The following TCTA variants were observed in gnomAD, a reference collection of about 807,000 sequenced individuals.
TCTA encodes the protein T-cell leukemia translocation-altered gene protein.
Under a neutral mutation model 13.5 loss-of-function variants are expected in TCTA, and 13 were observed. That is an observed-to-expected ratio of 0.96 (90% confidence interval 0.63 to 1.53). TCTA has a LOEUF of 1.53. Among genes scored for constraint, TCTA ranks in the 40% most tolerant of loss-of-function variants. The pLI is 0.00. For missense variants in TCTA, 138 were observed against 131.3 expected, an observed-to-expected ratio of 1.05 and a Z score of -0.25; for synonymous variants, 58 against 59.0, an observed-to-expected ratio of 0.98 and a Z score of 0.08.
In TCTA at chr3:49,413,073, G is replaced by A. The variant is rs1483156435; in HGVS notation, c.232G>A (p.Gly78Arg). ...GCCTCCAGGTCTGGGTGGTCAGAAT[G>A]GATCCACGCCTGATGGCTCCACGCA... ...YHRPGLGGQN[G>R]STPDGSTHFP... The change falls in exon 2 of 3, where the codon GGA (glycine) becomes AGA (arginine). Residue 78 changes from glycine (G) to arginine (R), a missense_variant. Coordinates refer to ENST00000273590, the MANE Select transcript of TCTA (RefSeq NM_022171.3). 1 of 1,614,152 alleles carries A rather than the reference G, an allele frequency of 6.2e-7. No individual in the cohort carries two copies. Among genetic ancestry groups the A allele is most frequent in the Admixed American group, 1.7e-5 (1 of 60,016 alleles).
Position 49,415,002 on chromosome 3 carries a change from G to A in TCTA, c.*140G>A. On this transcript the variant is annotated 3_prime_UTR_variant, in exon 3 of 3. Coordinates refer to ENST00000273590, the MANE Select transcript of TCTA (RefSeq NM_022171.3). ...GGAGTACCCAGTGCCTACAGGGCTG[G>A]GCCTCTTCTGCCTCTTAAGCCTGCT... 1.0e-6 allele frequency: 1 copy of A among 988,588 alleles called. No homozygotes were observed. Among genetic ancestry groups the A allele is most frequent in the Non-Finnish European group, 1.5e-6 (1 of 658,576 alleles). 61.2% of individuals were successfully genotyped at this position (988,588 alleles called of 1,614,324 possible). A position where few individuals can be genotyped will look rare whatever the true frequency, so the allele number is the denominator to read the frequency against.
chr3:49,414,535 A>C (rs187457150), intron 2 of TCTA, among the ~76,000 whole-genome samples: 1 of 152,306 alleles, frequency 6.6e-6, no homozygotes, highest in East Asian at 1.9e-4. Flanking sequence ...ACTCCGTCTC[A>C]AAAAAAGAAA....
intron 1 of TCTA, 66 bp downstream of exon 1, chr3:49,412,706 T>C (rs997520412): frequency 3.5e-5 from 54 of 1,524,812 alleles, no homozygotes; most frequent in Non-Finnish European, 4.6e-5. Context: ...GACTGTACCA[T>C]TGGGTTCCCC....
chr3:49,415,092 A>G lies in TCTA; in HGVS notation c.*230A>G. ...ACTCTTATCTGGGTGCCTTAAGGAG[A>G]GAGATTGTGTTCTTCCTCTCTCAGG... On this transcript the variant is annotated 3_prime_UTR_variant, in exon 3 of 3. Coordinates refer to ENST00000273590, the MANE Select transcript of TCTA (RefSeq NM_022171.3). 1 of 528,806 alleles carries G rather than the reference A, an allele frequency of 1.9e-6. No homozygotes were observed. The highest frequency in any genetic ancestry group is 3.4e-6 in the Non-Finnish European group (1 of 295,328). The allele number at this position is 528,806 out of a possible 1,614,324, so 32.8% of individuals were successfully genotyped here.
chr3:49,414,261 C>T (rs533078536), intron 2 of TCTA, among the ~76,000 whole-genome samples: 1 of 152,052 alleles, frequency 6.6e-6, no homozygotes, highest in Non-Finnish European at 1.5e-5. Flanking sequence ...ACAGGCCGGG[C>T]ATGGTGGCTC....
At chr3:49,413,016 C>T (rs6779524) in intron 1 of TCTA, 40 bp from the exon 2 acceptor site, 482,382 of 1,608,350 alleles carry the variant, frequency 0.3, 76,359 homozygotes, top group Middle Eastern at 0.32. Context: ...CAGATTCCCA[C>T]CCCAGCCTTC....
intron 1 of TCTA, 69 bp downstream of exon 1, chr3:49,412,709 G>T (rs1575299248): frequency 3.9e-6 from 6 of 1,542,396 alleles, no homozygotes; most frequent in South Asian, 1.2e-5. Context: ...TGTACCATTG[G>T]GTTCCCCACT....
chr3:49,414,806 T>C lies in TCTA; in HGVS notation c.270-14T>C. ...GAATAACCACTCTCTCTTCTCTCTC[T>C]CCATCACTTTCAGGGAAATGGCAGC... On this transcript the variant is annotated splice_polypyrimidine_tract_variant and intron_variant, in intron 2 of 2. Transcript: ENST00000273590. 6.2e-7 allele frequency: 1 copy of C among 1,613,788 alleles called. No individual in the cohort carries two copies. Among genetic ancestry groups the C allele is most frequent in the Non-Finnish European group, 8.5e-7 (1 of 1,179,778 alleles).
chr3:49,413,281 G>A, intron 2 of TCTA, 171 bp downstream of exon 2: 1 of 658,722 alleles, frequency 1.5e-6, no homozygotes, highest in Non-Finnish European at 2.7e-6. Context: ...TGACACCAAG[G>A]TCTGGACAGT....
intron 2 of TCTA, 90 bp from the exon 3 acceptor site, chr3:49,414,729 GC>G: frequency 6.7e-7 from 1 of 1,495,620 alleles, no homozygotes; most frequent in Non-Finnish European, 9.2e-7. Flanking sequence ...GCCTAGCTCA[GC>G]CCCCAAGAAG....
chr3:49,413,148 C>T (rs1319645732), intron 2 of TCTA, 38 bp downstream of exon 2: 14 of 1,611,552 alleles, frequency 8.7e-6, no homozygotes, highest in Non-Finnish European at 1.2e-5. Context: ...CCATGCTTGG[C>T]ATTCCAAGGA....
rs1244083251 is a variant in TCTA, at chr3:49,416,194, ACCTG to A, written c.*1336_*1339del. 1 of 159,144 alleles carries A rather than the reference ACCTG, an allele frequency of 6.3e-6. No individual in the cohort carries two copies. The highest frequency in any genetic ancestry group is 2.4e-5 in the African/African-American group (1 of 41,460). The allele number at this position is 159,144 out of a possible 1,614,324, so 9.9% of individuals were successfully genotyped here. On this transcript the variant is annotated 3_prime_UTR_variant, in exon 3 of 3. Coordinates refer to ENST00000273590, the MANE Select transcript of TCTA (RefSeq NM_022171.3). ...GTACCTGAAAGCACTGTAGCCCTGG[ACCTG>A]CCTCCTTCCCTCGGGGCCATACTTC...
Position 49,413,078 on chromosome 3 carries a change from C to T in TCTA, c.237C>T (p.Ser79=), listed in dbSNP as rs766615654. 5 of 1,614,170 alleles carry T rather than the reference C, an allele frequency of 3.1e-6. No individual in the cohort carries two copies. The highest frequency in any genetic ancestry group is 3.4e-6 in the Non-Finnish European group (4 of 1,180,026). The change falls in exon 2 of 3, where the codon TCC becomes TCT. Residue 79 remains serine (S), a synonymous_variant. Transcript: ENST00000273590. ...CAGGTCTGGGTGGTCAGAATGGATC[C>T]ACGCCTGATGGCTCCACGCATTTCC... The part of the protein sequence containing the change: ...HRPGLGGQNG[S]TPDGSTHFPS...
In TCTA at chr3:49,414,951, TGCCGG is replaced by T; in HGVS notation, c.*91_*95del. ...CTACTCCCCAGACCTCAGGGACAAC[TGCCGG>T]GGGTTCAGGGTTGGTAGCAGGGAGT... On this transcript the variant is annotated 3_prime_UTR_variant, in exon 3 of 3. Coordinates refer to ENST00000273590, the MANE Select transcript of TCTA (RefSeq NM_022171.3). 1 of 1,551,262 alleles carries T rather than the reference TGCCGG, an allele frequency of 6.4e-7. No homozygotes were observed. Among genetic ancestry groups the T allele is most frequent in the Non-Finnish European group, 8.9e-7 (1 of 1,128,434 alleles).
intron 2 of TCTA, 62 bp from the exon 3 acceptor site, chr3:49,414,758 T>C (rs2048986437): frequency 6.2e-7 from 1 of 1,607,454 alleles, no homozygotes; most frequent in Non-Finnish European, 8.5e-7. Flanking sequence ...GGAGAGCCAA[T>C]TTCAGCAACT....
At chr3:49,414,302 G>T (rs949292271) in intron 2 of TCTA, among the ~76,000 whole-genome samples, 1 of 152,028 alleles carries the variant, frequency 6.6e-6, no homozygotes, top group African/African-American at 2.4e-5. Flanking sequence ...GGGAGACTGA[G>T]GAGGGTAGAT....
Position 49,412,969 on chromosome 3 carries a change from C to T in TCTA, c.215-87C>T, listed in dbSNP as rs6779432. 884 of 1,377,784 alleles carry T rather than the reference C, an allele frequency of 6.4e-4. 2 individuals carry two copies. In the African/African-American group the frequency reaches 0.01, roughly 16 times the overall value. The allele number at this position is 1,377,784 out of a possible 1,614,324, so 85.3% of individuals were successfully genotyped here. On this transcript the variant is annotated intron_variant, in intron 1 of 2. Coordinates refer to ENST00000273590, the MANE Select transcript of TCTA (RefSeq NM_022171.3). Reference sequence around the variant, plus strand: ...CCTCACCAGACTTCACCAAACAATACCAGTGGTCTCTAACCTGACCTGGGC... The same window carrying T: ...CCTCACCAGACTTCACCAAACAATATCAGTGGTCTCTAACCTGACCTGGGC...
rs1251131683 is a variant in TCTA, at chr3:49,414,868, G to A, written c.*6G>A. On this transcript the variant is annotated 3_prime_UTR_variant, in exon 3 of 3. Coordinates refer to ENST00000273590, the MANE Select transcript of TCTA (RefSeq NM_022171.3). ...TCAAAACCCACAGAGAATAAGGGAAGGCAGCAGAGGGTCTCCAAGGGCATC... is the reference window on the plus strand; with the variant it reads ...TCAAAACCCACAGAGAATAAGGGAAAGCAGCAGAGGGTCTCCAAGGGCATC... The A allele has an allele frequency of 6.2e-7, 1 of 1,613,950 alleles. No homozygotes were observed. The highest frequency in any genetic ancestry group is 1.1e-5 in the South Asian group (1 of 91,068).
chr3:49,412,736 A>C (rs2048965008), intron 1 of TCTA, 96 bp downstream of exon 1: 8 of 1,405,764 alleles, frequency 5.7e-6, no homozygotes, highest in Non-Finnish European at 7.8e-6. Context: ...CAAGAGGCTC[A>C]TCAGAACTTA....
Sources: gnomAD v4.1 joint callset for allele counts (sites outside exome capture counted in the v4.1 genomes callset) on GRCh38, gnomAD v4.1.1 for gene constraint, MANE v1.5 for transcripts, NCBI Gene and HGNC (gene_info 2026-07-23, HGNC 2026-07-21) for gene names.